Variants in GTF2E1 observed in about 807,000 individuals in gnomAD.
GTF2E1 encodes general transcription factor IIE subunit 1.
GTF2E1 carries 14 observed loss-of-function variants against 34.9 expected under a neutral mutation model. That is an observed-to-expected ratio of 0.40 (90% confidence interval 0.27 to 0.63). The LOEUF is 0.63. Among genes scored for constraint, GTF2E1 ranks in the 20% least tolerant of loss-of-function variants. The pLI, the probability that GTF2E1 is intolerant of heterozygous loss-of-function variation, is 0.39. For missense variants in GTF2E1, 469 were observed against 557.7 expected (o/e 0.84, Z 1.60); for synonymous variants, 188 against 192.9 (o/e 0.97, Z 0.21).
At chr3:120,749,484 A>G (rs1441927157) in intron 1 of GTF2E1, among the ~76,000 whole-genome samples, 1 of 152,172 alleles carries the variant, frequency 6.6e-6, no homozygotes, top group Non-Finnish European at 1.5e-5. Flanking sequence ...ATTTTGTCAA[A>G]GGCCTTTTCT....
chr3:120,747,828 C>T (rs1428170200), intron 1 of GTF2E1, among the ~76,000 whole-genome samples: 2 of 152,238 alleles, frequency 1.3e-5, no homozygotes, highest in South Asian at 2.1e-4. Flanking sequence ...GCCACACTGA[C>T]TTCCACAAGG....
intron 4 of GTF2E1, among the ~76,000 whole-genome samples, chr3:120,780,372 A>G (rs1709436646): frequency 6.6e-6 from 1 of 152,200 alleles, no homozygotes; most frequent in Admixed American, 6.5e-5. Context: ...GAATAAAGAC[A>G]TGAAAGATGG....
chr3:120,755,653 AT>A (rs1385274295), intron 2 of GTF2E1, among the ~76,000 whole-genome samples: 2 of 152,128 alleles, frequency 1.3e-5, no homozygotes, highest in Non-Finnish European at 2.9e-5. Context: ...TATTTTAGTT[AT>A]TTTTAAATGT....
chr3:120,745,362 G>C (rs1709096210), intron 1 of GTF2E1, among the ~76,000 whole-genome samples: 1 of 152,044 alleles, frequency 6.6e-6, no homozygotes, highest in Admixed American at 6.6e-5. Flanking sequence ...AGCTCCCTAG[G>C]GTGTTTTAGG....
chr3:120,745,393 A>G (rs575807628), intron 1 of GTF2E1, among the ~76,000 whole-genome samples: 8 of 152,306 alleles, frequency 5.3e-5, no homozygotes, highest in African/African-American at 1.9e-4. Context: ...AGGCTGAGCA[A>G]TAAGTGGCAC....
At chr3:120,744,606 C>A (rs1044918048) in intron 1 of GTF2E1, among the ~76,000 whole-genome samples, 2 of 152,208 alleles carry the variant, frequency 1.3e-5, no homozygotes, top group African/African-American at 4.8e-5. Context: ...TTCCTACTCT[C>A]ATATTCTGTA....
rs201163034 is a variant in GTF2E1 at position 120,781,516 on chromosome 3, G to T, written c.*46G>T. Reference sequence around the variant, plus strand: ...CTTTCTCTAATGCTCAGTTCAAAAAGGAATGTCTCATCTTTGAAGAAAAGT... The same window carrying T: ...CTTTCTCTAATGCTCAGTTCAAAAATGAATGTCTCATCTTTGAAGAAAAGT... On this transcript the variant is annotated 3_prime_UTR_variant, in exon 5 of 5. Transcript: ENST00000283875. 279 of 1,443,300 alleles carry T rather than the reference G, an allele frequency of 1.9e-4. No homozygotes were observed. The highest frequency in any genetic ancestry group is 2.6e-4 in the Non-Finnish European group (271 of 1,035,078). 89.4% of individuals were successfully genotyped at this position (1,443,300 alleles called of 1,614,324 possible).
At chr3:120,773,112 C>G (rs748534150) in intron 3 of GTF2E1, among the ~76,000 whole-genome samples, 3 of 151,904 alleles carry the variant, frequency 2.0e-5, no homozygotes, top group Non-Finnish European at 4.4e-5. Context: ...CTAGAGCTGC[C>G]AGCCAGACCA....
intron 4 of GTF2E1, among the ~76,000 whole-genome samples, chr3:120,778,979 A>G (rs913674750): frequency 2.6e-5 from 4 of 152,150 alleles, no homozygotes; most frequent in African/African-American, 9.7e-5. Flanking sequence ...CAGTACCCAC[A>G]ATTGCTTAGC....
intron 1 of GTF2E1, among the ~76,000 whole-genome samples, chr3:120,747,672 A>G (rs981420710): frequency 6.6e-6 from 1 of 152,140 alleles, no homozygotes; most frequent in African/African-American, 2.4e-5. Flanking sequence ...GTTGGTTCCC[A>G]GTCTTTGCTA....
At position 120,750,900 on chromosome 3, in the gene GTF2E1, C is replaced by A; in HGVS notation, c.348C>A (p.Thr116=). The part of the protein sequence containing the change: ...KLDHMRRRIE[T]DERDSTNRAS... ...ACCACATGAGAAGAAGAATTGAGAC[C>A]GATGAGAGAGATTCGACCAACCGGG... Residue 116 remains threonine (T), a synonymous_variant, in exon 2 of 5, where the codon ACC becomes ACA. Transcript: ENST00000283875. 2 of 1,613,690 alleles carry A rather than the reference C, an allele frequency of 1.2e-6. No homozygotes were observed. The highest frequency in any genetic ancestry group is 1.7e-6 in the Non-Finnish European group (2 of 1,179,706).
intron 1 of GTF2E1, among the ~76,000 whole-genome samples, chr3:120,748,552 G>A (rs1305636403): frequency 2.6e-5 from 4 of 152,184 alleles, no homozygotes; most frequent in Non-Finnish European, 5.9e-5. Flanking sequence ...TCAAAGATCA[G>A]ATAGTTGTAG....
rs1216610769 is a variant in GTF2E1 at position 120,776,627 on chromosome 3, T to C, written c.855T>C (p.Thr285=). Residue 285 remains threonine, a synonymous_variant, in exon 4 of 5, where the codon ACT becomes ACC. Transcript: ENST00000283875. ...GGCCTATTTGGTTGAGAGAAAGCACTGTCCAAGGGGCATATGGTTCTGAAG... is the reference window on the plus strand; with the variant it reads ...GGCCTATTTGGTTGAGAGAAAGCACCGTCCAAGGGGCATATGGTTCTGAAG... ...KERPIWLRES[T]VQGAYGSEDM... 6.2e-7 allele frequency: 1 copy of C among 1,613,654 alleles called. No individual in the cohort carries two copies. The highest frequency in any genetic ancestry group is 1.3e-5 in the African/African-American group (1 of 74,912).
intron 4 of GTF2E1, among the ~76,000 whole-genome samples, chr3:120,779,609 G>A (rs1709430053): frequency 6.6e-6 from 1 of 152,140 alleles, no homozygotes; most frequent in African/African-American, 2.4e-5. Context: ...ATTTTAATGT[G>A]TTAATGAGAA....
chr3:120,781,295 A>G lies in GTF2E1; in HGVS notation c.1145A>G (p.Glu382Gly). 1.2e-6 allele frequency: 2 copies of G among 1,614,172 alleles called. No individual in the cohort carries two copies. The highest frequency in any genetic ancestry group is 1.7e-6 in the Non-Finnish European group (2 of 1,180,028). Residue 382 changes from glutamate to glycine, a missense_variant, in exon 5 of 5, where the codon GAG (glutamate) becomes GGG (glycine). Transcript: ENST00000283875. ...GTGCATAAACGAGAAGAGGATGAAG[A>G]GGAAGATGACGAGTTTGAAGAAGTA... ...VAVHKREEDE[E>G]EDDEFEEVAD... is the part of the protein sequence containing the mutation.
chr3:120,766,459 G>A (rs1442620568), intron 2 of GTF2E1, among the ~76,000 whole-genome samples: 2 of 152,026 alleles, frequency 1.3e-5, no homozygotes, highest in Non-Finnish European at 2.9e-5. Context: ...ATCTTGTTAA[G>A]TCTGTTTTTT....
At chr3:120,755,466 T>C (rs1284222680) in intron 2 of GTF2E1, among the ~76,000 whole-genome samples, 3 of 152,186 alleles carry the variant, frequency 2.0e-5, no homozygotes, top group Non-Finnish European at 2.9e-5. Flanking sequence ...ATAGGAGATA[T>C]CTTTAAAAAT....
intron 2 of GTF2E1, among the ~76,000 whole-genome samples, chr3:120,753,325 CT>C (rs1409481793): frequency 6.6e-6 from 1 of 152,032 alleles, no homozygotes; most frequent in Non-Finnish European, 1.5e-5. Flanking sequence ...ACTTTTTCTG[CT>C]GTAATAATTA....
At chr3:120,756,605 G>T (rs1709211762) in intron 2 of GTF2E1, among the ~76,000 whole-genome samples, 2 of 152,162 alleles carry the variant, frequency 1.3e-5, no homozygotes, top group East Asian at 1.9e-4. Context: ...TGCTGCTTTT[G>T]ATTTTGAGGA....
Sources: gnomAD v4.1 joint callset for allele counts (sites outside exome capture counted in the v4.1 genomes callset) on GRCh38, gnomAD v4.1.1 for gene constraint, MANE v1.5 for transcripts, NCBI Gene and HGNC (gene_info 2026-07-23, HGNC 2026-07-21) for gene names.